SIX4: variants seen among roughly 807,000 people sequenced by gnomAD.
The protein encoded by SIX4 is SIX homeobox 4, also known as homeobox protein SIX4.
A neutral mutation model predicts 51.5 loss-of-function variants in SIX4; 23 were observed. That is an observed-to-expected ratio of 0.45 (90% CI 0.32 to 0.63). The LOEUF is 0.63. SIX4 is among the 30% of genes least tolerant of loss of function. The pLI is 0.04. For synonymous variants in SIX4, 413 were observed against 417.3 expected (o/e 0.99, Z 0.13); for missense variants, 867 against 984.0 (o/e 0.88, Z 1.59).
chr14:60,723,005 G>A (rs1471856536), intron 1 of SIX4: 3 of 1,117,162 alleles, frequency 2.7e-6, no homozygotes, highest in Non-Finnish European at 3.6e-6. Flanking sequence ...AGAGGGGGAG[G>A]GTAAGGAGGG....
intron 2 of SIX4, among the ~76,000 whole-genome samples, chr14:60,715,702 C>T (rs550331354): frequency 6.6e-6 from 1 of 152,224 alleles, no homozygotes; most frequent in East Asian, 1.9e-4. Context: ...GAATTAGACC[C>T]CCCACTACCA....
At position 60,713,850 on chromosome 14, in the gene SIX4, G is replaced by A. The variant is rs764976908; in HGVS notation, c.1903C>T (p.Arg635Cys). The change falls in exon 3 of 3, where the codon CGC becomes TGC. Residue 635 changes from arginine (R) to cysteine (C), a missense_variant. Coordinates refer to ENST00000216513, the MANE Select transcript of SIX4 (RefSeq NM_017420.5). ...STLLNPTELN[R>C]DIADSQPMSA... ...ATTGGTTGGCTATCGGCAATGTCGC[G>A]GTTTAGCTCAGTGGGATTTAGTAGT... 26 of 1,613,984 alleles carry A rather than the reference G, an allele frequency of 1.6e-5. No individual in the cohort carries two copies. The highest frequency in any genetic ancestry group is 8.9e-5 in the East Asian group (4 of 44,898).
intron 2 of SIX4, among the ~76,000 whole-genome samples, chr14:60,715,032 G>T (rs892105672): frequency 2.6e-5 from 4 of 151,626 alleles, no homozygotes; most frequent in African/African-American, 9.7e-5. Flanking sequence ...TGTTACACGG[G>T]TATATTGAGT....
intron 1 of SIX4, chr14:60,721,259 C>T: frequency 2.9e-5 from 12 of 408,440 alleles, no homozygotes; most frequent in South Asian, 1.0e-4. Flanking sequence ...AGCTCTCTGA[C>T]TTGGGAGAAA....
In SIX4 at chr14:60,709,745, A is replaced by C. The variant is rs1391595326; in HGVS notation, c.*3662T>G. The C allele has an allele frequency of 6.6e-6, 1 of 152,560 alleles. No homozygotes were observed. The highest frequency in any genetic ancestry group is 1.5e-5 in the Non-Finnish European group (1 of 68,034). 9.5% of individuals were successfully genotyped at this position (152,560 alleles called of 1,614,324 possible). On this transcript the variant is annotated 3_prime_UTR_variant, in exon 3 of 3. Coordinates refer to ENST00000216513, the MANE Select transcript of SIX4 (RefSeq NM_017420.5). This position sits in a 1 kb window ranked among gnomAD's most constrained non-coding sequence, Gnocchi z 4.1. ...GCCATCACCTAACAGTGCAGTAAAG[A>C]CTCTGTTACCCCACCCCATGATATA... is the stretch of plus-strand genomic sequence containing the variant.
At chr14:60,715,001 CA>C (rs904978073) in intron 2 of SIX4, among the ~76,000 whole-genome samples, 4 of 147,852 alleles carry the variant, frequency 2.7e-5, no homozygotes, top group African/African-American at 7.5e-5. Flanking sequence ...AAATTAGATT[CA>C]GGGGGCATGT....
intron 1 of SIX4, chr14:60,721,252 T>A: frequency 1.6e-6 from 1 of 638,978 alleles, no homozygotes; most frequent in Non-Finnish European, 1.9e-6. Flanking sequence ...GTTCCTCAGC[T>A]CTCTGACTTG....
At position 60,722,564 on chromosome 14, in the gene SIX4, C is replaced by G. The variant is rs571398214; in HGVS notation, c.863+648G>C. On this transcript the variant is annotated intron_variant, in intron 1 of 2. Transcript: ENST00000216513. This position sits in a 1 kb window ranked among gnomAD's most constrained non-coding sequence, Gnocchi z 5.9. The stretch of plus-strand genomic sequence containing the variant: ...CACCAGCACCCCACGTTGCCGCGGC[C>G]GCTAAGGGAACCATAGGGGCAGGGT... Among the ~76,000 whole-genome samples the G allele has an allele frequency of 1.5e-4, 23 of 152,314 alleles. No individual in the cohort carries two copies. The South Asian group carries it at 4.8e-3, about 32-fold the overall frequency.
In SIX4 at chr14:60,722,002, G is replaced by GCCCT. The variant is rs1199757530; in HGVS notation, c.863+1209_863+1210insAGGG. 6.6e-6 allele frequency among the ~76,000 whole-genome samples: 1 copy of GCCCT among 152,230 alleles called. No homozygotes were observed. The highest frequency in any genetic ancestry group is 1.5e-5 in the Non-Finnish European group (1 of 68,030). ...GCCCGAGCCGTCGGACCCCCACAGG[G>GCCCT]GCCCAGAAGCGGCAAGGGCGGGCTG... On this transcript the variant is annotated intron_variant, in intron 1 of 2. Transcript: ENST00000216513. The surrounding 1 kb of genome is among the most constrained non-coding windows in gnomAD (Gnocchi z 5.9).
Position 60,720,557 on chromosome 14 carries a change from A to T in SIX4, c.864-112T>A. The T allele has an allele frequency of 9.7e-7, 1 of 1,034,056 alleles. No homozygotes were observed. The highest frequency in any genetic ancestry group is 1.4e-6 in the Non-Finnish European group (1 of 714,758). 64.1% of individuals were successfully genotyped at this position (1,034,056 alleles called of 1,614,324 possible). ...AATCCATTAAAGGCAGTATTTAAGG[A>T]AAGCACAGCAGGATATCTGCTAGTC... is the stretch of plus-strand genomic sequence containing the variant. On this transcript the variant is annotated intron_variant, in intron 1 of 2. Coordinates refer to ENST00000216513, the MANE Select transcript of SIX4 (RefSeq NM_017420.5). This position sits in a 1 kb window ranked among gnomAD's most constrained non-coding sequence, Gnocchi z 5.5.
Position 60,713,994 on chromosome 14 carries a change from T to G in SIX4, c.1759A>C (p.Asn587His). 6.2e-7 allele frequency: 1 copy of G among 1,614,164 alleles called. No homozygotes were observed. The change falls in exon 3 of 3, where the codon AAT becomes CAT. Residue 587 changes from asparagine to histidine, a missense_variant. Physicochemically the swap from Asn to His is moderately conservative, Grantham distance 68 (BLOSUM62 1). Coordinates refer to ENST00000216513, the MANE Select transcript of SIX4 (RefSeq NM_017420.5). ...GACAGGTTTGCATTTACTTGTGCAT[T>G]CTGATTGACAGGCATCAACTGAGAA... Reference protein sequence around the residue: ...VFSQLMPVNQNAQVNANLSSE... With the variant: ...VFSQLMPVNQHAQVNANLSSE...
rs1895937185 is a variant in SIX4 at position 60,717,374 on chromosome 14, CTT to C, written c.1549+2384_1549+2385del. Among the ~76,000 whole-genome samples the C allele has an allele frequency of 1.3e-5, 2 of 152,124 alleles. No individual in the cohort carries two copies. Among genetic ancestry groups the C allele is most frequent in the African/African-American group, 2.4e-5 (1 of 41,440 alleles). On this transcript the variant is annotated intron_variant, in intron 2 of 2. Transcript: ENST00000216513. This position sits in a 1 kb window ranked among gnomAD's most constrained non-coding sequence, Gnocchi z 4.6. ...AGGCGTAAGCCACTGTGCCCGGCGT[CTT>C]TAAAATTCTTGTAGGCAGCTGATTT...
chr14:60,717,575 GT>G lies in SIX4; in HGVS notation c.1549+2184del, dbSNP rs1381136208. 6.6e-6 allele frequency among the ~76,000 whole-genome samples: 1 copy of G among 152,126 alleles called. No homozygotes were observed. The highest frequency in any genetic ancestry group is 1.5e-5 in the Non-Finnish European group (1 of 68,038). On this transcript the variant is annotated intron_variant, in intron 2 of 2. Coordinates refer to ENST00000216513, the MANE Select transcript of SIX4 (RefSeq NM_017420.5). The surrounding 1 kb of genome is among the most constrained non-coding windows in gnomAD (Gnocchi z 4.6). ...ACTGAATATAAATACTTCTGAATTT[GT>G]AGAAATTATAACATATATAAAAGAG...
rs147040477 is a variant in SIX4, at chr14:60,719,824, G to T, written c.1485C>A (p.Phe495Leu). 7 of 1,614,092 alleles carry T rather than the reference G, an allele frequency of 4.3e-6. No homozygotes were observed. The African/African-American group carries it at 9.3e-5, about 22-fold the overall frequency. ...QIPNSGANSQ[F>L]LNGSIGFSPL... The stretch of plus-strand genomic sequence containing the variant: ...GAGAGAATCCAATGCTCCCATTAAG[G>T]AACTGGCTGTTTGCTCCGGAATTGG... Residue 495 changes from phenylalanine (F) to leucine (L), a missense_variant, in exon 2 of 3, where the codon TTC (phenylalanine) becomes TTA (leucine). Coordinates refer to ENST00000216513, the MANE Select transcript of SIX4 (RefSeq NM_017420.5). This position sits in a 1 kb window ranked among gnomAD's most constrained non-coding sequence, Gnocchi z 4.9.
chr14:60,718,227 A>G (rs895044231), intron 2 of SIX4, among the ~76,000 whole-genome samples: 1 of 152,128 alleles, frequency 6.6e-6, no homozygotes. Flanking sequence ...ACTACCATAG[A>G]AATGTTGCTT....
At chr14:60,715,316 GCA>G (rs1278744267) in intron 2 of SIX4, among the ~76,000 whole-genome samples, 1 of 152,090 alleles carries the variant, frequency 6.6e-6, no homozygotes, top group Admixed American at 6.6e-5. Context: ...TAAATAAATG[GCA>G]ATGCAGAACT....
Position 60,719,647 on chromosome 14 carries a change from C to CTAA in SIX4, c.1549+110_1549+112dup. ...CAAGGCTACTCTACAGCTTCGGCAGCTAATAAGGTACCTGAACAGAAACAT... is the reference window on the plus strand; with the variant it reads ...CAAGGCTACTCTACAGCTTCGGCAGCTAATAATAAGGTACCTGAACAGAAACAT... On this transcript the variant is annotated intron_variant, in intron 2 of 2. Coordinates refer to ENST00000216513, the MANE Select transcript of SIX4 (RefSeq NM_017420.5). The surrounding 1 kb of genome is among the most constrained non-coding windows in gnomAD (Gnocchi z 4.9). 1.9e-6 allele frequency: 2 copies of CTAA among 1,066,668 alleles called. No homozygotes were observed. The highest frequency in any genetic ancestry group is 2.6e-5 in the Admixed American group (1 of 39,156). The allele number at this position is 1,066,668 out of a possible 1,614,324, so 66.1% of individuals were successfully genotyped here. A position where few individuals can be genotyped will look rare whatever the true frequency, so the allele number is the denominator to read the frequency against.
At chr14:60,714,722 G>A (rs1190532009) in intron 2 of SIX4, among the ~76,000 whole-genome samples, 7 of 150,972 alleles carry the variant, frequency 4.6e-5, no homozygotes, top group African/African-American at 7.3e-5. Context: ...CTGGAGTGCA[G>A]TGGAGCGATC....
At chr14:60,721,949 C>T (rs551422338) in intron 1 of SIX4, among the ~76,000 whole-genome samples, 102 of 152,364 alleles carry the variant, frequency 6.7e-4, no homozygotes, top group African/African-American at 2.1e-3. Flanking sequence ...CCAAGCCTCC[C>T]TCCCAGCCTT....
Sources: gnomAD v4.1 joint callset for allele counts (sites outside exome capture counted in the v4.1 genomes callset) on GRCh38, gnomAD v4.1.1 for gene constraint, Gnocchi (gnomAD v3.1) non-coding constraint, MANE v1.5 for transcripts, NCBI Gene and HGNC (gene_info 2026-07-23, HGNC 2026-07-21) for gene names.